Variants in LRRC1 observed in about 807,000 individuals in gnomAD.
LRRC1 encodes leucine rich repeat containing 1.
LRRC1 carries 28 observed loss-of-function variants against 69.9 expected under a neutral mutation model. The observed-to-expected ratio is 0.40, with a 90% confidence interval of 0.30 to 0.55. The LOEUF (loss-of-function observed/expected upper bound fraction) is 0.55. LRRC1 is among the 20% of genes least tolerant of loss of function. The pLI, the probability that LRRC1 is intolerant of heterozygous loss-of-function variation, is 0.47. For missense variants in LRRC1, 498 were observed against 609.0 expected (o/e 0.82, Z 1.92); for synonymous variants, 236 against 240.2 (o/e 0.98, Z 0.16).
chr6:53,796,171 G>C (rs559477881), intron 1 of LRRC1, among the ~76,000 whole-genome samples: 1 of 152,398 alleles, frequency 6.6e-6, no homozygotes, highest in African/African-American at 2.4e-5. Flanking sequence ...AGCGGGCACA[G>C]TCGTCCTGCT....
chr6:53,826,885 A>G (rs539421628), intron 1 of LRRC1, among the ~76,000 whole-genome samples: 2 of 151,790 alleles, frequency 1.3e-5, no homozygotes, highest in East Asian at 1.9e-4. Context: ...CTTGGTGACT[A>G]TAATGCCTCT....
chr6:53,820,945 T>A (rs6905563), intron 1 of LRRC1, among the ~76,000 whole-genome samples: 40,400 of 152,072 alleles, frequency 0.27, 5,496 homozygotes, highest in African/African-American at 0.29. Context: ...TATTCCACAG[T>A]GCCAAGCACA....
In LRRC1 at chr6:53,922,469, G is replaced by C. The variant is rs2294791; in HGVS notation, c.1417-166G>C. On this transcript the variant is annotated intron_variant, in intron 13 of 13. Coordinates refer to ENST00000370888, the MANE Select transcript of LRRC1 (RefSeq NM_018214.5). The stretch of plus-strand genomic sequence containing the variant: ...CACTTTCCCTTTTCCTTAACTACCA[G>C]TGGGCAGTTGATGAATGCACATACA... 0.2 allele frequency among the ~76,000 whole-genome samples: 30,041 copies of C among 152,008 alleles called. 3,411 individuals are homozygous for C. Among genetic ancestry groups the C allele is most frequent in the East Asian group, 0.49 (2,506 of 5,162 alleles).
chr6:53,879,790 C>T (rs759318392), intron 3 of LRRC1, among the ~76,000 whole-genome samples: 6 of 151,990 alleles, frequency 3.9e-5, no homozygotes, highest in African/African-American at 7.3e-5. Flanking sequence ...AGTCTGTTGC[C>T]GAGGCATGGC....
chr6:53,922,498 A>G, intron 13 of LRRC1, 137 bp from the exon 14 acceptor site: 3 of 731,286 alleles, frequency 4.1e-6, no homozygotes, highest in Non-Finnish European at 4.3e-6. Flanking sequence ...ACATACATCC[A>G]AAGAAAGCTT....
At chr6:53,835,406 T>G (rs566277906) in intron 1 of LRRC1, among the ~76,000 whole-genome samples, 4 of 152,354 alleles carry the variant, frequency 2.6e-5, no homozygotes, top group Non-Finnish European at 5.9e-5. Flanking sequence ...CTTTATCATT[T>G]AATGCTATTT....
chr6:53,861,316 C>T (rs1424196781), intron 2 of LRRC1, among the ~76,000 whole-genome samples: 1 of 151,718 alleles, frequency 6.6e-6, no homozygotes, highest in Non-Finnish European at 1.5e-5. Flanking sequence ...CTGACTTTTC[C>T]AATTCTCAGG....
intron 1 of LRRC1, among the ~76,000 whole-genome samples, chr6:53,801,462 A>T (rs1442719875): frequency 6.6e-6 from 1 of 152,248 alleles, no homozygotes; most frequent in Admixed American, 6.5e-5. Context: ...ATGTAATTTA[A>T]GTCAAAGCTT....
intron 1 of LRRC1, among the ~76,000 whole-genome samples, chr6:53,800,247 C>CTTTTTTTTTTTT (rs55960000): frequency 1.1e-5 from 1 of 89,550 alleles, no homozygotes; most frequent in Non-Finnish European, 2.1e-5. Flanking sequence ...GTTTCTTTTT[C>CTTTTTTTTTTTT]TTTTTTTTTT....
chr6:53,910,329 C>G (rs986000450), intron 10 of LRRC1, among the ~76,000 whole-genome samples: 1 of 152,124 alleles, frequency 6.6e-6, no homozygotes, highest in Non-Finnish European at 1.5e-5. Context: ...CCCAGAACTT[C>G]TAAGTGATAC....
Position 53,818,637 on chromosome 6 carries a change from G to C in LRRC1, c.159+23222G>C, listed in dbSNP as rs115887851. On this transcript the variant is annotated intron_variant, in intron 1 of 13. Transcript: ENST00000370888. ...TGCTAAACTCTGTATGTGACTGGAT[G>C]TTTATGTATAATGGTATGAGCATGG... is the stretch of plus-strand genomic sequence containing the variant. 7.5e-3 allele frequency among the ~76,000 whole-genome samples: 1,148 copies of C among 152,290 alleles called. 4 individuals carry two copies. The highest frequency in any genetic ancestry group is 0.011 in the Non-Finnish European group (770 of 68,008).
intron 1 of LRRC1, among the ~76,000 whole-genome samples, chr6:53,807,803 C>A (rs1162639515): frequency 6.6e-6 from 1 of 152,130 alleles, no homozygotes; most frequent in Non-Finnish European, 1.5e-5. Flanking sequence ...CAAGGAAGTA[C>A]TGTAGAGAGT....
chr6:53,913,694 A>G (rs1768481766), intron 10 of LRRC1, among the ~76,000 whole-genome samples, 160 bp from the exon 11 acceptor site: 1 of 152,196 alleles, frequency 6.6e-6, no homozygotes, highest in Non-Finnish European at 1.5e-5. Context: ...TGCGTTTTGT[A>G]AGATTTAAAT....
At position 53,834,026 on chromosome 6, in the gene LRRC1, C is replaced by T. The variant is rs1765537961; in HGVS notation, c.160-8084C>T. On this transcript the variant is annotated intron_variant, in intron 1 of 13. Transcript: ENST00000370888. ...GTCATCCTTTTGAGTTTCTCCAGGA[C>T]TGTCCTGCTGCTCTGTGATACCTCC... is the stretch of plus-strand genomic sequence containing the variant. Among the ~76,000 whole-genome samples the T allele has an allele frequency of 1.3e-5, 2 of 152,322 alleles. 1 individual carries two copies. The highest frequency in any genetic ancestry group is 4.8e-5 in the African/African-American group (2 of 41,578).
At chr6:53,813,061 C>T (rs978234948) in intron 1 of LRRC1, among the ~76,000 whole-genome samples, 3 of 151,518 alleles carry the variant, frequency 2.0e-5, no homozygotes, top group South Asian at 2.1e-4. Context: ...CTGAGGATGC[C>T]GATGAAAAGG....
rs202219107 is a variant in LRRC1 at position 53,851,205 on chromosome 6, C to T, written c.277+8978C>T. On this transcript the variant is annotated intron_variant, in intron 2 of 13. Transcript: ENST00000370888. ...ACACACACACACACACACACACACA[C>T]GTGAATATATATATATATAAATCAT... Among the ~76,000 whole-genome samples, 8 of 113,820 alleles carry T rather than the reference C, an allele frequency of 7.0e-5. No individual in the cohort carries two copies. In the South Asian group the frequency reaches 1.1e-3, roughly 15 times the overall value. 74.7% of individuals were successfully genotyped at this position (113,820 alleles called of 152,430 possible).
chr6:53,875,330 C>T (rs868852484), intron 2 of LRRC1, among the ~76,000 whole-genome samples: 1 of 152,012 alleles, frequency 6.6e-6, no homozygotes, highest in African/African-American at 2.4e-5. Context: ...TTAAGAACAG[C>T]AAACTACTTG....
At chr6:53,801,008 A>C (rs1432862202) in intron 1 of LRRC1, among the ~76,000 whole-genome samples, 1 of 152,256 alleles carries the variant, frequency 6.6e-6, no homozygotes, top group Non-Finnish European at 1.5e-5. Context: ...GAGCAGTGCC[A>C]GAAGACTTTA....
At chr6:53,825,790 G>C (rs1426609798) in intron 1 of LRRC1, among the ~76,000 whole-genome samples, 1 of 152,116 alleles carries the variant, frequency 6.6e-6, no homozygotes, top group Non-Finnish European at 1.5e-5. Context: ...CCACAGACTA[G>C]ATAATCTTTA....
Sources: gnomAD v4.1 joint callset for allele counts (sites outside exome capture counted in the v4.1 genomes callset) on GRCh38, gnomAD v4.1.1 for gene constraint, MANE v1.5 for transcripts, NCBI Gene and HGNC (gene_info 2026-07-23, HGNC 2026-07-21) for gene names.